The following TLL1 variants were observed in gnomAD, a reference collection of about 807,000 sequenced individuals.
TLL1 encodes tolloid like 1, also known as tolloid-like protein 1.
TLL1 carries 49 observed loss-of-function variants against 128.2 expected under a neutral mutation model. The ratio of observed to expected loss-of-function variants is 0.38; its 90% confidence interval spans 0.30 to 0.48. TLL1 has a LOEUF of 0.48. TLL1 is among the 20% of genes least tolerant of loss of function. The pLI is 0.96. For synonymous variants in TLL1, 454 were observed against 418.8 expected (o/e 1.08, Z -1.03); for missense variants, 1,123 against 1,242.0 (o/e 0.90, Z 1.44).
chr4:166,036,789 C>CTCTG (rs3219529), intron 9 of TLL1, among the ~76,000 whole-genome samples: 1 of 145,122 alleles, frequency 6.9e-6, no homozygotes, highest in African/African-American at 2.6e-5. Context: ...CCCTATCCAA[C>CTCTG]TGTGTGTGTG....
intron 1 of TLL1, among the ~76,000 whole-genome samples, chr4:165,969,772 T>G (rs1006465427): frequency 2.0e-5 from 3 of 152,294 alleles, no homozygotes; most frequent in African/African-American, 4.8e-5. Context: ...TCACTGTACT[T>G]CAATGGACTT....
intron 1 of TLL1, among the ~76,000 whole-genome samples, chr4:165,934,319 T>C (rs10015602): frequency 0.28 from 42,324 of 151,816 alleles, 10,790 homozygotes; most frequent in African/African-American, 0.68. Flanking sequence ...TTGGCCTCAT[T>C]CTCCATTTCT....
At chr4:165,874,707 C>T (rs2110797016) in intron 1 of TLL1, among the ~76,000 whole-genome samples, 1 of 152,378 alleles carries the variant, frequency 6.6e-6, no homozygotes, top group African/African-American at 2.4e-5. Context: ...GTTGCTACCC[C>T]ATTCAAATTT....
chr4:166,053,559 T>A (rs1401113151), intron 12 of TLL1, among the ~76,000 whole-genome samples: 1 of 152,154 alleles, frequency 6.6e-6, no homozygotes, highest in East Asian at 1.9e-4. Flanking sequence ...TCTAACTAAA[T>A]CTGTGCTTCA....
intron 1 of TLL1, among the ~76,000 whole-genome samples, chr4:165,931,635 C>CGGGAACCAGGGAG (rs1301472205): frequency 6.8e-6 from 1 of 147,716 alleles, no homozygotes; most frequent in African/African-American, 2.5e-5. Context: ...AGGAGAGTGG[C>CGGGAACCAGGGAG]GTGAACCAGG....
At chr4:165,994,969 C>T in intron 4 of TLL1, 92 bp from the exon 5 acceptor site, 1 of 993,206 alleles carries the variant, frequency 1.0e-6, no homozygotes. Context: ...TGGCATTCTG[C>T]ACTGCTCAGC....
At chr4:166,011,487 CTT>C (rs1364104796) in intron 7 of TLL1, among the ~76,000 whole-genome samples, 2 of 151,436 alleles carry the variant, frequency 1.3e-5, no homozygotes, top group Non-Finnish European at 3.0e-5. Context: ...TATCCCATGA[CTT>C]TGCTTAATTC....
chr4:165,977,432 G>C (rs111957228), intron 1 of TLL1, among the ~76,000 whole-genome samples: 1 of 152,100 alleles, frequency 6.6e-6, no homozygotes, highest in Admixed American at 6.5e-5. Flanking sequence ...CTCTCCAATC[G>C]TGTGGATCAG....
At chr4:166,026,541 G>T (rs562432222) in intron 9 of TLL1, among the ~76,000 whole-genome samples, 1 of 152,314 alleles carries the variant, frequency 6.6e-6, no homozygotes, top group African/African-American at 2.4e-5. Flanking sequence ...ACAAAAATTA[G>T]CTGGGCATGT....
intron 1 of TLL1, among the ~76,000 whole-genome samples, chr4:165,981,104 C>T (rs1736128559): frequency 6.6e-6 from 1 of 151,998 alleles, no homozygotes; most frequent in South Asian, 2.1e-4. Flanking sequence ...ATCTGAAACT[C>T]AGTTAATAAC....
At chr4:165,957,278 G>T (rs1473914314) in intron 1 of TLL1, among the ~76,000 whole-genome samples, 2 of 152,060 alleles carry the variant, frequency 1.3e-5, no homozygotes, top group African/African-American at 4.8e-5. Flanking sequence ...TAGTGGTAAA[G>T]GATTCAATTC....
intron 17 of TLL1, among the ~76,000 whole-genome samples, chr4:166,076,417 G>A (rs1461742105): frequency 6.6e-6 from 1 of 152,018 alleles, no homozygotes; most frequent in Non-Finnish European, 1.5e-5. Context: ...GTCATTCAGA[G>A]AAAAAAACAA....
At chr4:165,902,488 C>T (rs75025658) in intron 1 of TLL1, among the ~76,000 whole-genome samples, 3,036 of 152,164 alleles carry the variant, frequency 0.02, 74 homozygotes, top group East Asian at 0.1. Flanking sequence ...CAGAATGCAC[C>T]GTTCCTCACC....
chr4:166,052,937 A>T (rs7661500), intron 12 of TLL1, among the ~76,000 whole-genome samples: 70,200 of 127,296 alleles, frequency 0.55, 21,538 homozygotes, highest in African/African-American at 0.77. Flanking sequence ...GAAGGGATTA[A>T]ATTAAAGACT....
At chr4:165,969,077 C>A (rs1735521979) in intron 1 of TLL1, among the ~76,000 whole-genome samples, 2 of 152,160 alleles carry the variant, frequency 1.3e-5, no homozygotes, top group Admixed American at 6.5e-5. Flanking sequence ...GTTTATCCCT[C>A]TGAGTATTTT....
intron 1 of TLL1, among the ~76,000 whole-genome samples, chr4:165,938,477 T>C (rs1733862707): frequency 6.6e-6 from 1 of 152,086 alleles, no homozygotes; most frequent in African/African-American, 2.4e-5. Context: ...TCTTTGAAAT[T>C]TTCTCTTCCT....
At chr4:165,930,542 G>A (rs1367515284) in intron 1 of TLL1, among the ~76,000 whole-genome samples, 3 of 152,122 alleles carry the variant, frequency 2.0e-5, no homozygotes, top group Non-Finnish European at 2.9e-5. Flanking sequence ...CAAAGGCAGA[G>A]TGAAGTACCT....
intron 5 of TLL1, among the ~76,000 whole-genome samples, chr4:166,000,176 A>G (rs1579603816): frequency 6.6e-6 from 1 of 152,248 alleles, no homozygotes; most frequent in East Asian, 1.9e-4. Context: ...CAACAGCCGT[A>G]TACAAGAAAA....
rs911961091 is a variant in TLL1, at chr4:166,025,174, T to G, written c.1043-142T>G. The stretch of plus-strand genomic sequence containing the variant: ...TCCAGTAAGGGACATAAAAATAAAT[T>G]TACTTAGAAAGGAAACGTCTTCTAT... On this transcript the variant is annotated intron_variant, in intron 8 of 20. Coordinates refer to ENST00000061240, the MANE Select transcript of TLL1 (RefSeq NM_012464.5). 13 of 631,534 alleles carry G rather than the reference T, an allele frequency of 2.1e-5. No homozygotes were observed. The Admixed American group carries it at 3.0e-4, about 15-fold the overall frequency. The allele number at this position is 631,534 out of a possible 1,614,324, so 39.1% of individuals were successfully genotyped here.
Sources: gnomAD v4.1 joint callset for allele counts (sites outside exome capture counted in the v4.1 genomes callset) on GRCh38, gnomAD v4.1.1 for gene constraint, MANE v1.5 for transcripts, NCBI Gene and HGNC (gene_info 2026-07-23, HGNC 2026-07-21) for gene names.